Variants in SLC24A3 observed in about 807,000 individuals in gnomAD.
SLC24A3 encodes solute carrier family 24 member 3, also known as sodium/potassium/calcium exchanger 3.
A neutral mutation model predicts 75.8 loss-of-function variants in SLC24A3; 28 were observed. That is an observed-to-expected ratio of 0.37 (90% CI 0.27 to 0.51). The LOEUF is 0.51. Ranked by LOEUF, SLC24A3 falls within the 20% of genes least tolerant of loss-of-function variation. The probability of loss-of-function intolerance (pLI) is 0.94; values close to 1 mark genes in which losing one functional copy is unlikely to be tolerated. For synonymous variants in SLC24A3, 372 were observed against 334.1 expected (o/e 1.11, Z -1.24); for missense variants, 663 against 847.8 (o/e 0.78, Z 2.71).
intron 1 of SLC24A3, among the ~76,000 whole-genome samples, chr20:19,227,967 AG>A (rs1298251840): frequency 6.6e-6 from 1 of 152,136 alleles, no homozygotes; most frequent in Non-Finnish European, 1.5e-5. Flanking sequence ...TTTTGTTCAT[AG>A]TGTGTTTCTT....
intron 15 of SLC24A3, among the ~76,000 whole-genome samples, chr20:19,702,774 G>T (rs1442561405): frequency 6.6e-6 from 1 of 152,172 alleles, no homozygotes; most frequent in Admixed American, 6.6e-5. Context: ...GTGAGGTAGG[G>T]ATTCAATTTT....
chr20:19,327,691 C>T lies in SLC24A3; in HGVS notation c.271+46604C>T, dbSNP rs150748381. Among the ~76,000 whole-genome samples the T allele has an allele frequency of 1.7e-4, 26 of 152,324 alleles. No individual in the cohort carries two copies. The East Asian group carries it at 4.4e-3, about 26-fold the overall frequency. On this transcript the variant is annotated intron_variant, in intron 2 of 16. Coordinates refer to ENST00000328041, the MANE Select transcript of SLC24A3 (RefSeq NM_020689.4). ...AGCTTGTCTGCTCCCAGCCTCAGGA[C>T]GCCTGTGGCTTTCTTGGTTTCCCCT... is the stretch of plus-strand genomic sequence containing the variant.
At chr20:19,515,664 T>A in intron 3 of SLC24A3, 100 bp downstream of exon 3, 1 of 1,200,106 alleles carries the variant, frequency 8.3e-7, no homozygotes, top group Non-Finnish European at 1.2e-6. Flanking sequence ...CTCTCTGCCC[T>A]CCTGTTCCCA....
chr20:19,672,972 T>C (rs1411791629), intron 8 of SLC24A3, among the ~76,000 whole-genome samples: 1 of 152,234 alleles, frequency 6.6e-6, no homozygotes, highest in Non-Finnish European at 1.5e-5. Flanking sequence ...AACAAGCTCC[T>C]GGTTTTTAGT....
At chr20:19,566,003 A>G (rs1057233794) in intron 3 of SLC24A3, among the ~76,000 whole-genome samples, 11 of 152,202 alleles carry the variant, frequency 7.2e-5, no homozygotes, top group African/African-American at 2.4e-4. Flanking sequence ...TCAAGCACTG[A>G]GCCCAGGGCT....
chr20:19,550,227 T>C (rs2030668205), intron 3 of SLC24A3, among the ~76,000 whole-genome samples: 1 of 152,206 alleles, frequency 6.6e-6, no homozygotes, highest in African/African-American at 2.4e-5. Flanking sequence ...ATTTCCTTTT[T>C]TCTACACTCT....
chr20:19,543,897 C>T (rs1170102739), intron 3 of SLC24A3, among the ~76,000 whole-genome samples: 1 of 152,182 alleles, frequency 6.6e-6, no homozygotes, highest in Non-Finnish European at 1.5e-5. Flanking sequence ...AATGTACACC[C>T]TGAAATGAGT....
intron 7 of SLC24A3, among the ~76,000 whole-genome samples, chr20:19,661,837 C>T (rs1359369044): frequency 1.3e-5 from 2 of 152,050 alleles, no homozygotes; most frequent in Admixed American, 6.5e-5. Context: ...CTCCCCTGCT[C>T]CTCCATGTTG....
intron 2 of SLC24A3, among the ~76,000 whole-genome samples, chr20:19,281,351 C>T (rs1190710631): frequency 6.6e-6 from 1 of 152,130 alleles, no homozygotes; most frequent in Non-Finnish European, 1.5e-5. Flanking sequence ...GATGTGGAGG[C>T]TGGTGCTGCC....
chr20:19,351,135 G>C (rs1461837467), intron 2 of SLC24A3, among the ~76,000 whole-genome samples: 1 of 152,184 alleles, frequency 6.6e-6, no homozygotes, highest in Non-Finnish European at 1.5e-5. Context: ...GAGGGTGATA[G>C]AGAGGAGACA....
At chr20:19,443,295 G>C (rs1248855572) in intron 2 of SLC24A3, among the ~76,000 whole-genome samples, 3 of 152,100 alleles carry the variant, frequency 2.0e-5, no homozygotes, top group African/African-American at 7.2e-5. Context: ...TAACAATATT[G>C]AGTCTTGCTA....
At chr20:19,256,326 G>T (rs1278929549) in intron 1 of SLC24A3, among the ~76,000 whole-genome samples, 1 of 152,206 alleles carries the variant, frequency 6.6e-6, no homozygotes, top group Non-Finnish European at 1.5e-5. Flanking sequence ...CCTGGGGCTG[G>T]TCAAGAGGGT....
chr20:19,252,420 T>G (rs951053994), intron 1 of SLC24A3, among the ~76,000 whole-genome samples: 1 of 152,182 alleles, frequency 6.6e-6, no homozygotes, highest in Admixed American at 6.5e-5. Context: ...CCACCAAGGC[T>G]TGGAGTAAGA....
intron 1 of SLC24A3, among the ~76,000 whole-genome samples, chr20:19,260,393 C>T (rs895875168): frequency 2.0e-5 from 3 of 152,122 alleles, no homozygotes; most frequent in African/African-American, 7.2e-5. Context: ...AAACCATGCC[C>T]GGAATGAGGT....
In SLC24A3 at chr20:19,515,575, CT is replaced by C. The variant is rs571903517; in HGVS notation, c.348+12del. ...CTCCATGTGCTCTGTGTAAGTACCC[CT>C]CTGTGCCTCTGCCTGGAGGGTCCAT... On this transcript the variant is annotated intron_variant, in intron 3 of 16. Transcript: ENST00000328041. 600 of 1,613,824 alleles carry C rather than the reference CT, an allele frequency of 3.7e-4. No homozygotes were observed. Among genetic ancestry groups the C allele is most frequent in the Non-Finnish European group, 4.6e-4 (544 of 1,179,830 alleles).
At chr20:19,617,102 A>T (rs2031746290) in intron 6 of SLC24A3, among the ~76,000 whole-genome samples, 1 of 152,126 alleles carries the variant, frequency 6.6e-6, no homozygotes, top group Admixed American at 6.5e-5. Context: ...AAATGGAATG[A>T]CCCCAGCCTA....
intron 3 of SLC24A3, among the ~76,000 whole-genome samples, chr20:19,565,795 A>G (rs1301996003): frequency 6.6e-6 from 1 of 152,160 alleles, no homozygotes; most frequent in Non-Finnish European, 1.5e-5. Flanking sequence ...CCTGGAGTCT[A>G]CTGAGAGTGG....
intron 2 of SLC24A3, among the ~76,000 whole-genome samples, chr20:19,462,278 C>T (rs2328429): frequency 0.54 from 80,075 of 149,220 alleles, 21,665 homozygotes; most frequent in Non-Finnish European, 0.57. Flanking sequence ...GGCTTTCTTT[C>T]TTTTTTTTGC....
chr20:19,671,140 A>G (rs1265647945), intron 8 of SLC24A3, among the ~76,000 whole-genome samples: 2 of 152,192 alleles, frequency 1.3e-5, no homozygotes, highest in Non-Finnish European at 2.9e-5. Context: ...GGAGGAGGTG[A>G]TATTTAAAAG....
Sources: allele counts gnomAD v4.1 joint callset (sites outside exome capture counted in the v4.1 genomes callset), GRCh38; gene constraint gnomAD v4.1.1; transcripts MANE v1.5; gene names NCBI Gene and HGNC (gene_info 2026-07-23, HGNC 2026-07-21).